Variants in XRCC6 observed in about 807,000 individuals in gnomAD.
XRCC6 encodes X-ray repair cross complementing 6, also known as DNA repair protein Ku70.
XRCC6 carries 5 observed loss-of-function variants against 65.7 expected under a neutral mutation model. The observed-to-expected ratio is 0.08, with a 90% CI of 0.04 to 0.16. XRCC6 has a LOEUF of 0.16. Among genes scored for constraint, XRCC6 ranks in the 10% least tolerant of loss-of-function variants. The pLI is 1.00. For missense variants in XRCC6, 447 were observed against 738.1 expected, an observed-to-expected ratio of 0.61 and a Z score of 4.57; for synonymous variants, 270 against 270.6, an observed-to-expected ratio of 1.00 and a Z score of 0.02.
rs1030388810 is a variant in XRCC6 at position 41,643,542 on chromosome 22, C to T, written c.774-3354C>T. Among the ~76,000 whole-genome samples, 21 of 152,140 alleles carry T rather than the reference C, an allele frequency of 1.4e-4. 1 individual carries two copies. The highest frequency in any genetic ancestry group is 6.2e-4 in the South Asian group (3 of 4,822). On this transcript the variant is annotated intron_variant, in intron 6 of 12. Coordinates refer to ENST00000360079, the MANE Select transcript of XRCC6 (RefSeq NM_001469.5). ...TCAAAATAATTTTAAATTTTCTGGCCGGGCGCGCTGGCTCATGCCTGTAAT... is the reference window on the plus strand; with the variant it reads ...TCAAAATAATTTTAAATTTTCTGGCTGGGCGCGCTGGCTCATGCCTGTAAT...
chr22:41,630,942 A>G (rs893771769), intron 3 of XRCC6, among the ~76,000 whole-genome samples: 11 of 152,094 alleles, frequency 7.2e-5, no homozygotes, highest in African/African-American at 2.7e-4. Context: ...CAAAACCACC[A>G]TTGTCATCAT....
At chr22:41,657,145 T>TTA in intron 10 of XRCC6, 113 bp downstream of exon 10, 1 of 1,270,376 alleles carries the variant, frequency 7.9e-7, no homozygotes. Context: ...ACTGACAGAT[T>TTA]ACTACTTGTT....
chr22:41,639,469 G>A lies in XRCC6; in HGVS notation c.773+1678G>A, dbSNP rs554371262. 2.0e-5 allele frequency among the ~76,000 whole-genome samples: 3 copies of A among 148,642 alleles called. No homozygotes were observed. In the South Asian group the frequency reaches 6.5e-4, roughly 32 times the overall value. ...CCATATCAGTGTTCTGAGTAACTGGGACCACAGGCGTGTGCCACCATGCTC... is the reference window on the plus strand; with the variant it reads ...CCATATCAGTGTTCTGAGTAACTGGAACCACAGGCGTGTGCCACCATGCTC... On this transcript the variant is annotated intron_variant, in intron 6 of 12. Coordinates refer to ENST00000360079, the MANE Select transcript of XRCC6 (RefSeq NM_001469.5).
intron 3 of XRCC6, among the ~76,000 whole-genome samples, chr22:41,635,029 T>G (rs1479445523): frequency 6.6e-6 from 1 of 152,230 alleles, no homozygotes; most frequent in Non-Finnish European, 1.5e-5. Flanking sequence ...AGCATTGTAA[T>G]TATTTTATAT....
At chr22:41,634,778 C>T (rs559821612) in intron 3 of XRCC6, among the ~76,000 whole-genome samples, 3 of 147,254 alleles carry the variant, frequency 2.0e-5, no homozygotes, top group East Asian at 2.1e-4. Context: ...CTCCTGACCT[C>T]GTCATCTGCT....
chr22:41,649,348 T>C (rs1434321554), intron 7 of XRCC6, among the ~76,000 whole-genome samples: 14 of 150,520 alleles, frequency 9.3e-5, no homozygotes, highest in Non-Finnish European at 1.5e-5. Context: ...TTGTATTTTT[T>C]TTTTTTTCAT....
At chr22:41,626,867 CCT>C (rs2067681814) in intron 2 of XRCC6, among the ~76,000 whole-genome samples, 1 of 151,998 alleles carries the variant, frequency 6.6e-6, no homozygotes, top group South Asian at 2.1e-4. Context: ...GTCTCGACCT[CCT>C]GACCTCGTGA....
rs556455089 is a variant in XRCC6 at position 41,660,420 on chromosome 22, C to T, written c.1523-911C>T. ...ATAAATCCTATTCTATCAGTAAGTC[C>T]TGCCAGTTCTGTCACTTCTCATGTT... On this transcript the variant is annotated intron_variant, in intron 11 of 12. Coordinates refer to ENST00000360079, the MANE Select transcript of XRCC6 (RefSeq NM_001469.5). Among the ~76,000 whole-genome samples the T allele has an allele frequency of 4.1e-4, 63 of 152,234 alleles. 1 individual carries two copies. The highest frequency in any genetic ancestry group is 3.4e-3 in the Middle Eastern group (1 of 294).
chr22:41,643,179 A>G (rs138292194), intron 6 of XRCC6, among the ~76,000 whole-genome samples: 71 of 152,120 alleles, frequency 4.7e-4, no homozygotes, highest in African/African-American at 1.7e-3. Context: ...TGGGAGGCCA[A>G]GGGGGCGGAT....
intron 12 of XRCC6, among the ~76,000 whole-genome samples, chr22:41,662,132 G>C (rs1438084692): frequency 6.6e-6 from 1 of 152,082 alleles, no homozygotes; most frequent in East Asian, 1.9e-4. Context: ...AAAAAAAATA[G>C]AATGATTAAG....
intron 3 of XRCC6, among the ~76,000 whole-genome samples, chr22:41,631,014 G>A (rs1262909137): frequency 6.6e-6 from 1 of 152,092 alleles, no homozygotes; most frequent in African/African-American, 2.4e-5. Context: ...GGGCAGAGGG[G>A]CTCCTCACTT....
chr22:41,622,539 C>T (rs1046698009), intron 2 of XRCC6, among the ~76,000 whole-genome samples: 18 of 152,136 alleles, frequency 1.2e-4, no homozygotes, highest in African/African-American at 3.6e-4. Context: ...AGTGTATGTG[C>T]AGGCAACACA....
At position 41,647,581 on chromosome 22, in the gene XRCC6, C is replaced by CAA. The variant is rs34674929; in HGVS notation, c.960+514_960+515dup. Among the ~76,000 whole-genome samples, 883 of 134,148 alleles carry CAA rather than the reference C, an allele frequency of 6.6e-3. 10 individuals are homozygous for CAA. The highest frequency in any genetic ancestry group is 0.017 in the African/African-American group (614 of 36,320). The allele number at this position is 134,148 out of a possible 152,430, so 88.0% of individuals were successfully genotyped here. A position where few individuals can be genotyped will look rare whatever the true frequency, so the allele number is the denominator to read the frequency against. On this transcript the variant is annotated intron_variant, in intron 7 of 12. Coordinates refer to ENST00000360079, the MANE Select transcript of XRCC6 (RefSeq NM_001469.5). The stretch of plus-strand genomic sequence containing the variant: ...GGGCAACAAAAGCGTAACTCCGTCT[C>CAA]AAAAAAAAAAAAAAAAGAGACGGTG...
chr22:41,625,294 G>A (rs916800075), intron 2 of XRCC6, among the ~76,000 whole-genome samples: 2 of 152,158 alleles, frequency 1.3e-5, no homozygotes, highest in Non-Finnish European at 2.9e-5. Context: ...GACACACATT[G>A]CCATTTTGTT....
chr22:41,638,281 T>TG (rs1010448101), intron 6 of XRCC6, among the ~76,000 whole-genome samples: 1 of 152,116 alleles, frequency 6.6e-6, no homozygotes, highest in Non-Finnish European at 1.5e-5. Flanking sequence ...TTCTTAGAAT[T>TG]GCGTCATTAG....
chr22:41,651,792 T>G (rs757474452), intron 8 of XRCC6, among the ~76,000 whole-genome samples: 5 of 150,936 alleles, frequency 3.3e-5, no homozygotes, highest in Non-Finnish European at 5.9e-5. Flanking sequence ...TTATTTATAT[T>G]TATATTTTTA....
intron 7 of XRCC6, among the ~76,000 whole-genome samples, chr22:41,647,717 CA>C (rs944675644): frequency 1.2e-4 from 18 of 152,118 alleles, no homozygotes; most frequent in African/African-American, 3.9e-4. Flanking sequence ...CCACTGTGCC[CA>C]GCGTTTTTTT....
rs189824381 is a variant in XRCC6 at position 41,643,560 on chromosome 22, C to T, written c.774-3336C>T. Reference sequence around the variant, plus strand: ...TTCTGGCCGGGCGCGCTGGCTCATGCCTGTAATCCCAGCACTTTGGGAGGC... The same window carrying T: ...TTCTGGCCGGGCGCGCTGGCTCATGTCTGTAATCCCAGCACTTTGGGAGGC... On this transcript the variant is annotated intron_variant, in intron 6 of 12. Coordinates refer to ENST00000360079, the MANE Select transcript of XRCC6 (RefSeq NM_001469.5). 6.9e-4 allele frequency among the ~76,000 whole-genome samples: 105 copies of T among 152,302 alleles called. 1 individual carries two copies. The East Asian group carries it at 0.019, about 27-fold the overall frequency.
chr22:41,631,587 G>A (rs1355001609), intron 3 of XRCC6, among the ~76,000 whole-genome samples: 1 of 122,598 alleles, frequency 8.2e-6, no homozygotes, highest in Non-Finnish European at 1.7e-5. Flanking sequence ...GGGCAGAGAC[G>A]CTCCTCACTT....
Sources: allele counts gnomAD v4.1 joint callset (sites outside exome capture counted in the v4.1 genomes callset), GRCh38; gene constraint gnomAD v4.1.1; transcripts MANE v1.5; gene names NCBI Gene and HGNC (gene_info 2026-07-23, HGNC 2026-07-21).